Variants in CSPG4 observed in about 807,000 individuals in gnomAD.
CSPG4 encodes the protein chondroitin sulfate proteoglycan 4.
In CSPG4, 74 loss-of-function variants were observed where a neutral mutation model predicts 139.3. That is an observed-to-expected ratio of 0.53 (90% confidence interval 0.44 to 0.64). The LOEUF (loss-of-function observed/expected upper bound fraction) is 0.64, where lower values mean the gene tolerates loss of function less well. Ranked by LOEUF, CSPG4 falls within the 30% of genes least tolerant of loss-of-function variation. CSPG4 has a pLI of 0.00. For missense variants in CSPG4, 2,565 were observed against 3,148.3 expected, an observed-to-expected ratio of 0.81 and a Z score of 4.43; for synonymous variants, 1,234 against 1,394.2, an observed-to-expected ratio of 0.89 and a Z score of 2.56.
At chr15:75,681,784 C>A (rs1893977069) in intron 8 of CSPG4, among the ~76,000 whole-genome samples, 1 of 152,220 alleles carries the variant, frequency 6.6e-6, no homozygotes, top group African/African-American at 2.4e-5. Flanking sequence ...AGCAGCTTCA[C>A]CCTCTTGGCT....
chr15:75,689,098 A>G lies in CSPG4; in HGVS notation c.1967T>C (p.Val656Ala), dbSNP rs1894115295. 1.9e-6 allele frequency: 3 copies of G among 1,604,906 alleles called. No individual in the cohort carries two copies. Among genetic ancestry groups the G allele is most frequent in the Middle Eastern group, 2.1e-4 (1 of 4,784 alleles). The change falls in exon 3 of 10, where the codon GTG becomes GCG. Residue 656 changes from valine to alanine, a missense_variant. By Grantham distance (64) the Val-to-Ala change is moderately conservative. This residue lies in a region of CSPG4 where 2,316 missense variants were observed against 2,818.2 expected (regional missense o/e 0.82). Transcript: ENST00000308508. ...CTGTATGGCCGGCCGGATGGCCACC[A>G]CCTTCAGCGTGGCCGGGGGGCTGGC... is the stretch of plus-strand genomic sequence containing the variant. ...LQASPPATLK[V>A]VAIRPAIQIH...
chr15:75,706,051 A>G (rs2141440498), intron 1 of CSPG4, among the ~76,000 whole-genome samples: 1 of 152,190 alleles, frequency 6.6e-6, no homozygotes, highest in East Asian at 1.9e-4. Context: ...GCTGGACTCT[A>G]GCTGCAGGAG....
At chr15:75,699,702 C>T (rs114246896) in intron 1 of CSPG4, among the ~76,000 whole-genome samples, 2 of 152,244 alleles carry the variant, frequency 1.3e-5, no homozygotes, top group African/African-American at 4.8e-5. Flanking sequence ...TCCACCCAGG[C>T]GGGAGGGCTG....
chr15:75,691,215 T>A (rs1455200976), intron 2 of CSPG4, among the ~76,000 whole-genome samples: 1 of 152,130 alleles, frequency 6.6e-6, no homozygotes, highest in African/African-American at 2.4e-5. Flanking sequence ...TTCCCCACAC[T>A]TGGGGCCCCA....
chr15:75,689,678 G>C lies in CSPG4; in HGVS notation c.1387C>G (p.Leu463Val). ...CTGAACAGCACCTGGGATTTGCGCAGCTCAGCCTCCATCAGGTCCAGCGTG... is the reference window on the plus strand; with the variant it reads ...CTGAACAGCACCTGGGATTTGCGCACCTCAGCCTCCATCAGGTCCAGCGTG... ...QPTLDLMEAE[L>V]RKSQVLFSVT... Residue 463 changes from leucine (L) to valine (V), a missense_variant, in exon 3 of 10, where the codon CTG becomes GTG. This residue lies in a region of CSPG4 where 2,316 missense variants were observed against 2,818.2 expected (regional missense o/e 0.82). Transcript: ENST00000308508. 9.9e-6 allele frequency: 16 copies of C among 1,612,924 alleles called. No homozygotes were observed. The highest frequency in any genetic ancestry group is 1.4e-5 in the Non-Finnish European group (16 of 1,179,852).
chr15:75,711,569 G>A (rs1030824800), intron 1 of CSPG4, among the ~76,000 whole-genome samples: 28 of 152,268 alleles, frequency 1.8e-4, no homozygotes, highest in African/African-American at 6.5e-4. Context: ...CACCCCGCGG[G>A]GGTCCTCCCT....
intron 1 of CSPG4, among the ~76,000 whole-genome samples, chr15:75,709,641 G>A (rs948632320): frequency 5.9e-5 from 9 of 152,182 alleles, no homozygotes; most frequent in African/African-American, 2.2e-4. Context: ...AAGTGCGGAC[G>A]TCAAGGCTAT....
intron 1 of CSPG4, among the ~76,000 whole-genome samples, chr15:75,701,679 T>C (rs1339748023): frequency 6.6e-6 from 1 of 152,042 alleles, no homozygotes; most frequent in African/African-American, 2.4e-5. Context: ...ATGCACCACG[T>C]CTCTCTCACT....
rs750805528 is a variant in CSPG4, at chr15:75,690,704, C to T, written c.361G>A (p.Ala121Thr). 45 of 1,612,990 alleles carry T rather than the reference C, an allele frequency of 2.8e-5. No individual in the cohort carries two copies. The highest frequency in any genetic ancestry group is 3.6e-5 in the Non-Finnish European group (43 of 1,180,044). ...TVVLTVVEGW[A>T]TLSVDGFLNA... ...AGAAACCCATCGACTGACAACGTGG[C>T]CCAGCCCTCTACGACAGTCAGCACC... The change falls in exon 3 of 10, where the codon GCC becomes ACC. Residue 121 changes from alanine (A) to threonine (T), a missense_variant. This residue lies in a region of CSPG4 where 132 missense variants were observed against 132.3 expected (regional missense o/e 1.00). Transcript: ENST00000308508.
At chr15:75,693,564 G>A (rs1484138399) in intron 1 of CSPG4, among the ~76,000 whole-genome samples, 1 of 152,368 alleles carries the variant, frequency 6.6e-6, no homozygotes, top group African/African-American at 2.4e-5. Flanking sequence ...GGGCCCCAGA[G>A]GAGTCTCCCT....
chr15:75,677,300 G>T lies in CSPG4; in HGVS notation c.5219C>A (p.Pro1740His). 1 of 1,453,022 alleles carries T rather than the reference G, an allele frequency of 6.9e-7. No individual in the cohort carries two copies. Among genetic ancestry groups the T allele is most frequent in the Non-Finnish European group, 9.1e-7 (1 of 1,098,580 alleles). 90.0% of individuals were successfully genotyped at this position (1,453,022 alleles called of 1,614,324 possible). A position where few individuals can be genotyped will look rare whatever the true frequency, so the allele number is the denominator to read the frequency against. The change falls in exon 10 of 10, where the codon CCC (proline) becomes CAC (histidine). Residue 1740 changes from proline to histidine, a missense_variant. Physicochemically the swap from Pro to His is moderately conservative, Grantham distance 77 (BLOSUM62 -2). Coordinates refer to ENST00000308508, the MANE Select transcript of CSPG4 (RefSeq NM_001897.5). ...ASNLLASVPS[P>H]QRSEHDVLFQ... Reference sequence around the variant, plus strand: ...GAGCACATCATGCTCTGAGCGCTGGGGTGATGGAACGCTGGCCAAGAGATT... The same window carrying T: ...GAGCACATCATGCTCTGAGCGCTGGTGTGATGGAACGCTGGCCAAGAGATT...
rs1364737626 is a variant in CSPG4 at position 75,684,852 on chromosome 15, C to T, written c.4333G>A (p.Val1445Ile). 20 of 1,613,414 alleles carry T rather than the reference C, an allele frequency of 1.2e-5. No homozygotes were observed. The highest frequency in any genetic ancestry group is 1.6e-5 in the Non-Finnish European group (19 of 1,179,826). The change falls in exon 5 of 10, where the codon GTC becomes ATC. Residue 1445 changes from valine (V) to isoleucine (I), a missense_variant. Physicochemically the swap from Val to Ile is conservative, Grantham distance 29. Around this residue, in one of 5 missense-constraint regions of CSPG4, gnomAD observed 2,316 missense variants for 2,818.2 expected, o/e 0.82. Transcript: ENST00000308508. ...DGSETLTDSF[V>I]LMANASEMDR... is the part of the protein sequence containing the mutation. ...ATCTCGGAGGCATTAGCCATCAGGACAAAACTGTCTGTCAGTGTCTCGCTC... is the reference window on the plus strand; with the variant it reads ...ATCTCGGAGGCATTAGCCATCAGGATAAAACTGTCTGTCAGTGTCTCGCTC...
chr15:75,689,474 G>A lies in CSPG4; in HGVS notation c.1591C>T (p.Pro531Ser). ...GTTTGGCCCCTCCGAAGGCATGAGG[G>A]CATGGGCACCCGAGCCGTCACCGAC... ...EVSVTARVPM[P>S]SCLRRGQTYL... The change falls in exon 3 of 10, where the codon CCC becomes TCC. Residue 531 changes from proline to serine, a missense_variant. Physicochemically the swap from Pro to Ser is moderately conservative, Grantham distance 74. Coordinates refer to ENST00000308508, the MANE Select transcript of CSPG4 (RefSeq NM_001897.5). The A allele has an allele frequency of 6.2e-7, 1 of 1,612,744 alleles. No individual in the cohort carries two copies. Among genetic ancestry groups the A allele is most frequent in the Non-Finnish European group, 8.5e-7 (1 of 1,179,784 alleles).
chr15:75,686,184 G>T (rs946372819), intron 3 of CSPG4, among the ~76,000 whole-genome samples: 44 of 152,184 alleles, frequency 2.9e-4, no homozygotes, highest in African/African-American at 9.7e-4. Flanking sequence ...CCTCAGGGAG[G>T]TGCATAATCA....
In CSPG4 at chr15:75,674,888, C is replaced by G. The variant is rs1473281687; in HGVS notation, c.*662G>C. 1 of 398,500 alleles carries G rather than the reference C, an allele frequency of 2.5e-6. No individual in the cohort carries two copies. Among genetic ancestry groups the G allele is most frequent in the East Asian group, 3.6e-5 (1 of 28,090 alleles). 24.7% of individuals were successfully genotyped at this position (398,500 alleles called of 1,614,324 possible). On this transcript the variant is annotated 3_prime_UTR_variant, in exon 10 of 10. Coordinates refer to ENST00000308508, the MANE Select transcript of CSPG4 (RefSeq NM_001897.5). Reference sequence around the variant, plus strand: ...TCCATCAGTCCTGGCTAGCTCAGCACCATGTTAAATAGCTTCCTTGCAATC... The same window carrying G: ...TCCATCAGTCCTGGCTAGCTCAGCAGCATGTTAAATAGCTTCCTTGCAATC...
intron 1 of CSPG4, among the ~76,000 whole-genome samples, chr15:75,701,059 G>C (rs1417427614): frequency 6.6e-6 from 1 of 152,158 alleles, no homozygotes; most frequent in Non-Finnish European, 1.5e-5. Context: ...ATCTGTAAAA[G>C]GGGACCTGGA....
At chr15:75,712,337 C>T (rs1052411117) in intron 1 of CSPG4, among the ~76,000 whole-genome samples, 62 of 152,272 alleles carry the variant, frequency 4.1e-4, no homozygotes, top group Admixed American at 2.0e-3. Flanking sequence ...GCCTGGCAAA[C>T]AAAGCTCGGC....
Position 75,689,815 on chromosome 15 carries a change from G to T in CSPG4, c.1250C>A (p.Pro417His). ...PAMELPEPCV[P>H]EPGLPPVFAN... The stretch of plus-strand genomic sequence containing the variant: ...AAAGACAGGAGGCAGCCCTGGCTCA[G>T]GCACGCATGGCTCAGGCAGCTCCAT... The change falls in exon 3 of 10, where the codon CCT becomes CAT. Residue 417 changes from proline (P) to histidine (H), a missense_variant. Transcript: ENST00000308508. The T allele has an allele frequency of 6.2e-7, 1 of 1,612,750 alleles. No homozygotes were observed. Among genetic ancestry groups the T allele is most frequent in the African/African-American group, 1.3e-5 (1 of 75,064 alleles).
intron 1 of CSPG4, among the ~76,000 whole-genome samples, chr15:75,702,123 G>A (rs1184346533): frequency 6.6e-6 from 1 of 152,202 alleles, no homozygotes; most frequent in Non-Finnish European, 1.5e-5. Context: ...TGCCTTTGGT[G>A]GCTCCCATTG....
Sources: gnomAD v4.1 joint callset for allele counts (sites outside exome capture counted in the v4.1 genomes callset) on GRCh38, gnomAD v4.1.1 for gene constraint, gnomAD v4.1.1 regional missense constraint, MANE v1.5 for transcripts, NCBI Gene and HGNC (gene_info 2026-07-23, HGNC 2026-07-21) for gene names.